GLI2: variants seen among roughly 807,000 people sequenced by gnomAD.
The protein encoded by GLI2 is transcription activator GLI2.
Under a neutral mutation model 78.9 loss-of-function variants are expected in GLI2, and 22 were observed. The ratio of observed to expected loss-of-function variants is 0.28; its 90% CI spans 0.20 to 0.40. The LOEUF (loss-of-function observed/expected upper bound fraction) is 0.40. Ranked by LOEUF, GLI2 falls within the 10% of genes least tolerant of loss-of-function variation. GLI2 has a pLI of 1.00. For synonymous variants in GLI2, 974 were observed against 963.7 expected, an observed-to-expected ratio of 1.01 and a Z score of -0.20; for missense variants, 2,097 against 2,213.2, an observed-to-expected ratio of 0.95 and a Z score of 1.05.
chr2:120,913,625 C>T (rs1431382181), intron 2 of GLI2, among the ~76,000 whole-genome samples: 2 of 152,152 alleles, frequency 1.3e-5, no homozygotes, highest in East Asian at 3.8e-4. Flanking sequence ...ATTATTGGGA[C>T]TGACAAGAGG....
chr2:120,945,136 C>G (rs1312924152), intron 3 of GLI2, among the ~76,000 whole-genome samples: 1 of 152,238 alleles, frequency 6.6e-6, no homozygotes, highest in Non-Finnish European at 1.5e-5. Flanking sequence ...TGCCTGCAGC[C>G]TCCTGGGGCA....
chr2:120,972,095 C>T, intron 8 of GLI2, 32 bp downstream of exon 8: 2 of 1,611,592 alleles, frequency 1.2e-6, no homozygotes, highest in Non-Finnish European at 1.7e-6. Context: ...CACCTTCCTC[C>T]AGCTAGGACC....
intron 2 of GLI2, among the ~76,000 whole-genome samples, chr2:120,864,743 G>A (rs1160935173): frequency 3.3e-5 from 5 of 152,068 alleles, no homozygotes; most frequent in African/African-American, 1.2e-4. Context: ...CACCGCGCCC[G>A]GCCCCATCCT....
intron 7 of GLI2, 87 bp downstream of exon 7, chr2:120,970,693 G>A: frequency 1.8e-6 from 2 of 1,135,042 alleles, no homozygotes; most frequent in South Asian, 2.6e-5. Context: ...CTAAGAACTT[G>A]TGGAGGGCCT....
chr2:120,896,823 T>C (rs868063774), intron 2 of GLI2, among the ~76,000 whole-genome samples: 2 of 152,090 alleles, frequency 1.3e-5, no homozygotes, highest in African/African-American at 4.8e-5. Context: ...AGTTAACTCT[T>C]GAGAAGCTCG....
intron 5 of GLI2, among the ~76,000 whole-genome samples, chr2:120,960,826 G>A (rs538612544): frequency 1.7e-4 from 26 of 152,330 alleles, no homozygotes; most frequent in African/African-American, 5.3e-4. Context: ...GATTTCCCAG[G>A]CTCTGATGAA....
At chr2:120,761,314 G>C (rs1683205334) in intron 1 of GLI2, among the ~76,000 whole-genome samples, 1 of 152,128 alleles carries the variant, frequency 6.6e-6, no homozygotes. Flanking sequence ...AAGCAGCCAT[G>C]GGCTTGTTGA....
chr2:120,957,154 A>G (rs1363774647), intron 5 of GLI2, among the ~76,000 whole-genome samples: 1 of 152,146 alleles, frequency 6.6e-6, no homozygotes, highest in Non-Finnish European at 1.5e-5. Context: ...CTGGCCCCTC[A>G]TGGATATGGT....
chr2:120,750,739 C>T (rs1682842070), intron 1 of GLI2, among the ~76,000 whole-genome samples: 1 of 152,212 alleles, frequency 6.6e-6, no homozygotes, highest in African/African-American at 2.4e-5. Flanking sequence ...GCCTTAACAA[C>T]AAAAGACATC....
chr2:120,898,842 T>G (rs752727201), intron 2 of GLI2, among the ~76,000 whole-genome samples: 3 of 152,180 alleles, frequency 2.0e-5, no homozygotes, highest in Non-Finnish European at 4.4e-5. Context: ...TAGCTGGATG[T>G]TGTTCTCACC....
At chr2:120,749,974 T>C (rs563548630) in intron 1 of GLI2, among the ~76,000 whole-genome samples, 1 of 152,342 alleles carries the variant, frequency 6.6e-6, no homozygotes, top group Non-Finnish European at 1.5e-5. Context: ...GGAGTTGCTC[T>C]AAGTCCCAAA....
At position 120,893,993 on chromosome 2, in the gene GLI2, C is replaced by G. The variant is rs550206783; in HGVS notation, c.149-33368C>G. ...CCACCTGACCCCTGCCCCTCCCAAACGTCCCCTGCAGAATAAACTCGCTTT... is the reference window on the plus strand; with the variant it reads ...CCACCTGACCCCTGCCCCTCCCAAAGGTCCCCTGCAGAATAAACTCGCTTT... On this transcript the variant is annotated intron_variant, in intron 2 of 13. Transcript: ENST00000361492. 3.3e-5 allele frequency among the ~76,000 whole-genome samples: 5 copies of G among 152,352 alleles called. No homozygotes were observed. The East Asian group carries it at 7.7e-4, about 24-fold the overall frequency.
chr2:120,808,565 G>A (rs186308663), intron 2 of GLI2, among the ~76,000 whole-genome samples: 16 of 152,312 alleles, frequency 1.1e-4, no homozygotes, highest in Admixed American at 9.8e-4. Context: ...GCTGAGGCTC[G>A]ATGTCAGCGA....
rs998978073 is a variant in GLI2, at chr2:120,990,752, C to T, written c.*77C>T. On this transcript the variant is annotated 3_prime_UTR_variant, in exon 14 of 14. Coordinates refer to ENST00000361492, the MANE Select transcript of GLI2 (RefSeq NM_001374353.1). ...AGCCTGGGGATTCCAGCTGTCTTGT[C>T]TTTTTCCAAAAAAGTGTTAAATAGG... 6.9e-6 allele frequency: 9 copies of T among 1,303,340 alleles called. No individual in the cohort carries two copies. The highest frequency in any genetic ancestry group is 8.5e-6 in the Non-Finnish European group (8 of 940,112). The allele number at this position is 1,303,340 out of a possible 1,614,324, so 80.7% of individuals were successfully genotyped here. A position where few individuals can be genotyped will look rare whatever the true frequency, so the allele number is the denominator to read the frequency against.
rs1237525525 is a variant in GLI2 at position 120,737,766 on chromosome 2, C to G, written c.-31+1481C>G. 6.6e-6 allele frequency among the ~76,000 whole-genome samples: 1 copy of G among 152,244 alleles called. No homozygotes were observed. Among genetic ancestry groups the G allele is most frequent in the African/African-American group, 2.4e-5 (1 of 41,466 alleles). On this transcript the variant is annotated intron_variant, in intron 1 of 13. Transcript: ENST00000361492. The surrounding 1 kb of genome is among the most constrained non-coding windows in gnomAD (Gnocchi z 4.3). ...GGATGTAGGAGAATTTGAAAGTAAA[C>G]GTTTCCCTCGCAAGCAGCATAAAAT...
At chr2:120,808,355 C>G (rs1230770846) in intron 2 of GLI2, among the ~76,000 whole-genome samples, 1 of 152,174 alleles carries the variant, frequency 6.6e-6, no homozygotes, top group Non-Finnish European at 1.5e-5. Context: ...TTGCTGTCAC[C>G]TTACCTCTGG....
chr2:120,944,039 C>T (rs1343391371), intron 3 of GLI2, among the ~76,000 whole-genome samples: 2 of 152,198 alleles, frequency 1.3e-5, no homozygotes, highest in African/African-American at 2.4e-5. Flanking sequence ...AGCTACACAC[C>T]GTCCAGGTAC....
At chr2:120,753,146 G>A (rs182536849) in intron 1 of GLI2, among the ~76,000 whole-genome samples, 253 of 147,218 alleles carry the variant, frequency 1.7e-3, no homozygotes, top group Non-Finnish European at 3.2e-3. Flanking sequence ...CCAGTCTGGA[G>A]GGTGCAGTGG....
At chr2:120,890,317 G>A (rs6739694) in intron 2 of GLI2, among the ~76,000 whole-genome samples, 48,100 of 152,054 alleles carry the variant, frequency 0.32, 8,259 homozygotes, top group South Asian at 0.51. Context: ...CAGTAGGGGT[G>A]AGGGAGAGGA....
Sources: gnomAD v4.1 joint callset for allele counts (sites outside exome capture counted in the v4.1 genomes callset) on GRCh38, gnomAD v4.1.1 for gene constraint, Gnocchi (gnomAD v3.1) non-coding constraint, MANE v1.5 for transcripts, NCBI Gene and HGNC (gene_info 2026-07-23, HGNC 2026-07-21) for gene names.